Variants in SCAF8 observed in about 807,000 individuals in gnomAD.
SCAF8 encodes the protein SR-related CTD associated factor 8, also known as SR-related and CTD-associated factor 8.
Under a neutral mutation model 140.5 loss-of-function variants are expected in SCAF8, and 23 were observed. That is an observed-to-expected ratio of 0.16 (90% confidence interval 0.12 to 0.23). SCAF8 has a LOEUF of 0.23. Ranked by LOEUF, SCAF8 falls within the 10% of genes least tolerant of loss-of-function variation. SCAF8 has a pLI of 1.00. For missense variants in SCAF8, 1,397 were observed against 1,555.7 expected (o/e 0.90, Z 1.72); for synonymous variants, 575 against 528.9 (o/e 1.09, Z -1.20).
intron 1 of SCAF8, among the ~76,000 whole-genome samples, chr6:154,736,679 TTTAATA>T (rs1379489093): frequency 6.6e-6 from 1 of 152,234 alleles, no homozygotes; most frequent in African/African-American, 2.4e-5. Flanking sequence ...AGTTTTTCGT[TTTAATA>T]TTAATTAAGG....
chr6:154,797,958 A>C (rs1327006089), intron 6 of SCAF8, among the ~76,000 whole-genome samples: 1 of 151,244 alleles, frequency 6.6e-6, no homozygotes, highest in East Asian at 1.9e-4. Flanking sequence ...TTCACTATTC[A>C]AATCAAACTA....
chr6:154,798,511 T>C (rs550283305), intron 6 of SCAF8, among the ~76,000 whole-genome samples: 14 of 151,542 alleles, frequency 9.2e-5, no homozygotes, highest in African/African-American at 3.4e-4. Flanking sequence ...GATTCCTTTC[T>C]TCCCTTTGTT....
intron 3 of SCAF8, among the ~76,000 whole-genome samples, chr6:154,778,580 GA>G (rs1409663303): frequency 6.6e-6 from 1 of 152,096 alleles, no homozygotes; most frequent in African/African-American, 2.4e-5. Flanking sequence ...GCCTGACCAA[GA>G]TGACAAAACT....
intron 17 of SCAF8, among the ~76,000 whole-genome samples, chr6:154,825,974 A>G (rs1237943701): frequency 6.6e-6 from 1 of 152,212 alleles, no homozygotes; most frequent in Admixed American, 6.5e-5. Context: ...ATTAAAATGC[A>G]TTTGAATTCA....
chr6:154,795,581 A>T (rs73581096), intron 6 of SCAF8, among the ~76,000 whole-genome samples: 2,238 of 152,302 alleles, frequency 0.015, 56 homozygotes, highest in African/African-American at 0.05. Flanking sequence ...GCGGATAGCC[A>T]ACAGGAGGTG....
chr6:154,782,395 G>T (rs1388467157), intron 3 of SCAF8, among the ~76,000 whole-genome samples: 1 of 151,992 alleles, frequency 6.6e-6, no homozygotes, highest in East Asian at 1.9e-4. Flanking sequence ...CTCTAGCTTG[G>T]GCAACAAAGC....
intron 1 of SCAF8, among the ~76,000 whole-genome samples, chr6:154,738,544 A>G (rs1366267677): frequency 3.9e-5 from 6 of 152,232 alleles, no homozygotes; most frequent in African/African-American, 1.4e-4. Flanking sequence ...ATGAAAGTTT[A>G]ATCCCATGAC....
At chr6:154,774,862 C>G in intron 2 of SCAF8, among the ~76,000 whole-genome samples, 1 of 152,232 alleles carries the variant, frequency 6.6e-6, no homozygotes, top group East Asian at 1.9e-4. Flanking sequence ...AGGATCTTTT[C>G]AAGCTCAGCC....
intron 8 of SCAF8, among the ~76,000 whole-genome samples, chr6:154,805,011 G>A (rs913634627): frequency 2.9e-4 from 44 of 152,076 alleles, no homozygotes; most frequent in African/African-American, 1.1e-3. Context: ...AAGAGAAGGA[G>A]TTAAAGTAAC....
chr6:154,774,418 T>C (rs1156684867), intron 2 of SCAF8, among the ~76,000 whole-genome samples: 1 of 152,218 alleles, frequency 6.6e-6, no homozygotes, highest in Non-Finnish European at 1.5e-5. Context: ...ATGTTCTTCC[T>C]TAAACATTCT....
chr6:154,738,521 C>T (rs1778487239), intron 1 of SCAF8, among the ~76,000 whole-genome samples: 1 of 152,194 alleles, frequency 6.6e-6, no homozygotes, highest in Admixed American at 6.5e-5. Flanking sequence ...TCTATTTAAA[C>T]ATCATCACTG....
chr6:154,774,012 A>C lies in SCAF8; in HGVS notation c.54A>C (p.Lys18Asn). The change falls in exon 2 of 20, where the codon AAA becomes AAC. Residue 18 changes from lysine to asparagine, a missense_variant. Physicochemically the swap from Lys to Asn is moderately conservative, Grantham distance 94 (BLOSUM62 0). Coordinates refer to ENST00000367178, the MANE Select transcript of SCAF8 (RefSeq NM_014892.5). ...NSELYSLNDY[K>N]PPISKAKMTQ... ...AGTTGTATTCCCTGAATGACTATAA[A>C]CCACCCATTTCGAAAGCGAAAATGA... is the stretch of plus-strand genomic sequence containing the variant. 6.2e-7 allele frequency: 1 copy of C among 1,612,880 alleles called. No individual in the cohort carries two copies. The highest frequency in any genetic ancestry group is 8.5e-7 in the Non-Finnish European group (1 of 1,178,938).
At chr6:154,811,560 T>C (rs1024828076) in intron 12 of SCAF8, among the ~76,000 whole-genome samples, 3 of 152,304 alleles carry the variant, frequency 2.0e-5, no homozygotes, top group Non-Finnish European at 4.4e-5. Flanking sequence ...AATTATACTT[T>C]AAGTTCTAGG....
chr6:154,737,968 A>G (rs1231108705), intron 1 of SCAF8, among the ~76,000 whole-genome samples: 1 of 151,908 alleles, frequency 6.6e-6, no homozygotes, highest in Non-Finnish European at 1.5e-5. Flanking sequence ...TGTCACCCCC[A>G]TCTTTTAATT....
intron 16 of SCAF8, 87 bp from the exon 17 acceptor site, chr6:154,824,147 A>G: frequency 1.5e-6 from 2 of 1,363,942 alleles, no homozygotes; most frequent in South Asian, 2.7e-5. Flanking sequence ...TACCATCCTG[A>G]AAGAGAAATA....
At chr6:154,734,097 C>T (rs1303316741) in intron 1 of SCAF8, among the ~76,000 whole-genome samples, 167 bp downstream of exon 1, 3 of 152,164 alleles carry the variant, frequency 2.0e-5, no homozygotes, top group Non-Finnish European at 4.4e-5. Context: ...GGGTGCCCCT[C>T]CCCCGGGTCC....
chr6:154,738,381 T>A (rs1469688450), intron 1 of SCAF8, among the ~76,000 whole-genome samples: 3 of 152,234 alleles, frequency 2.0e-5, no homozygotes, highest in African/African-American at 7.2e-5. Context: ...TAAAAATTAC[T>A]ATGTCAGAAG....
At position 154,832,764 on chromosome 6, in the gene SCAF8, G is replaced by A; in HGVS notation, c.3185G>A (p.Arg1062Lys). 1 of 1,613,970 alleles carries A rather than the reference G, an allele frequency of 6.2e-7. No homozygotes were observed. The highest frequency in any genetic ancestry group is 8.5e-7 in the Non-Finnish European group (1 of 1,179,980). ...CTAGATGGTAGGGATCATTTTGGAA[G>A]ACCTCCTGTAGATATAAGAGAGAAT... ...PPLDGRDHFG[R>K]PPVDIRENLV... The change falls in exon 20 of 20, where the codon AGA becomes AAA. Residue 1062 changes from arginine (R) to lysine (K), a missense_variant. By Grantham distance (26) the Arg-to-Lys change is conservative. This residue lies in a region of SCAF8 where 930 missense variants were observed against 874.6 expected (regional missense o/e 1.06). Coordinates refer to ENST00000367178, the MANE Select transcript of SCAF8 (RefSeq NM_014892.5).
At chr6:154,764,647 A>G (rs1008588115) in intron 1 of SCAF8, among the ~76,000 whole-genome samples, 4 of 152,138 alleles carry the variant, frequency 2.6e-5, no homozygotes, top group Non-Finnish European at 5.9e-5. Context: ...GATCCCAAGA[A>G]GTAGACTGAT....
Sources: allele counts gnomAD v4.1 joint callset (sites outside exome capture counted in the v4.1 genomes callset), GRCh38; gene constraint gnomAD v4.1.1; regional missense constraint gnomAD v4.1.1; transcripts MANE v1.5; gene names NCBI Gene and HGNC (gene_info 2026-07-23, HGNC 2026-07-21).